Variants in GCM1 observed in about 807,000 individuals in gnomAD.
GCM1 encodes chorion-specific transcription factor GCMa.
Under a neutral mutation model 25.7 loss-of-function variants are expected in GCM1, and 2 were observed. That is an observed-to-expected ratio of 0.08 (90% confidence interval 0.03 to 0.24). GCM1 has a LOEUF of 0.24. GCM1 is among the 10% of genes least tolerant of loss of function. The pLI is 1.00. For synonymous variants in GCM1, 183 were observed against 195.7 expected (o/e 0.94, Z 0.54); for missense variants, 395 against 538.7 (o/e 0.73, Z 2.64).
intron 5 of GCM1, 23 bp from the exon 6 acceptor site, chr6:53,128,969 C>A: frequency 1.3e-6 from 2 of 1,598,166 alleles, no homozygotes; most frequent in Non-Finnish European, 8.5e-7. Flanking sequence ...GTGAAATGCT[C>A]GTGTTAATAA....
At chr6:53,135,611 C>G (rs896185123) in intron 2 of GCM1, among the ~76,000 whole-genome samples, 2 of 152,164 alleles carry the variant, frequency 1.3e-5, no homozygotes, top group African/African-American at 4.8e-5. Flanking sequence ...AAACAGCAAG[C>G]AGTGTCAGCA....
intron 1 of GCM1, among the ~76,000 whole-genome samples, chr6:53,146,142 C>T (rs1307547196): frequency 1.3e-5 from 2 of 149,718 alleles, no homozygotes; most frequent in Non-Finnish European, 3.0e-5. Flanking sequence ...GTGGTTGAAG[C>T]TGCAAGAGGG....
chr6:53,145,561 TG>T lies in GCM1; in HGVS notation c.71del (p.Pro24HisfsTer4). The stretch of plus-strand genomic sequence containing the variant: ...GATTTTTATAGCAAGTACATACCTG[TG>T]GCAGTTTCACATCATTAATATCCCA... ...LSWDINDVKL[P>X]QNVKKTDWFQ... On this transcript the variant is annotated frameshift_variant, in exon 2 of 6. Transcript: ENST00000259803. LOFTEE classifies it high-confidence loss of function. 1.3e-6 allele frequency: 2 copies of T among 1,495,144 alleles called. No individual in the cohort carries two copies. Among genetic ancestry groups the T allele is most frequent in the Non-Finnish European group, 1.9e-6 (2 of 1,071,688 alleles). 92.6% of individuals were successfully genotyped at this position (1,495,144 alleles called of 1,614,324 possible). A position where few individuals can be genotyped will look rare whatever the true frequency, so the allele number is the denominator to read the frequency against.
chr6:53,129,081 G>A (rs558224535), intron 5 of GCM1, 135 bp from the exon 6 acceptor site: 7 of 680,772 alleles, frequency 1.0e-5, no homozygotes, highest in South Asian at 6.0e-5. Context: ...AATACTTGAC[G>A]CACAAACACA....
Position 53,145,217 on chromosome 6 carries a change from C to A in GCM1, c.75+341G>T, listed in dbSNP as rs192733253. On this transcript the variant is annotated intron_variant, in intron 2 of 5. Transcript: ENST00000259803. ...AGGTTGTATGAGGACTTGTGCATAA[C>A]AAAGAGTCAATTTATGGCCAAATAA... Among the ~76,000 whole-genome samples the A allele has an allele frequency of 9.3e-4, 141 of 152,220 alleles. 1 individual carries two copies. Among genetic ancestry groups the A allele is most frequent in the African/African-American group, 3.2e-3 (133 of 41,520 alleles).
At chr6:53,147,464 T>C (rs972039377) in intron 1 of GCM1, among the ~76,000 whole-genome samples, 1 of 146,502 alleles carries the variant, frequency 6.8e-6, no homozygotes, top group Non-Finnish European at 1.5e-5. Flanking sequence ...GTCTTACTCT[T>C]ATCACCCAGG....
chr6:53,132,187 C>T, intron 3 of GCM1, 68 bp from the exon 4 acceptor site: 1 of 1,010,376 alleles, frequency 9.9e-7, no homozygotes, highest in Non-Finnish European at 1.6e-6. Flanking sequence ...CCTGTGCAGT[C>T]TTGAAGATTT....
At chr6:53,143,034 C>T (rs2127510632) in intron 2 of GCM1, among the ~76,000 whole-genome samples, 1 of 152,102 alleles carries the variant, frequency 6.6e-6, no homozygotes, top group East Asian at 1.9e-4. Flanking sequence ...GAAATCTTTC[C>T]AAGAGCTCAA....
At chr6:53,134,449 A>G in intron 2 of GCM1, 125 bp from the exon 3 acceptor site, 1 of 817,070 alleles carries the variant, frequency 1.2e-6, no homozygotes, top group Non-Finnish European at 2.0e-6. Context: ...CCTTTGGCAA[A>G]AGCCTCCCTA....
chr6:53,130,116 A>G (rs921003386), intron 5 of GCM1, among the ~76,000 whole-genome samples: 5 of 152,224 alleles, frequency 3.3e-5, no homozygotes, highest in African/African-American at 1.2e-4. Flanking sequence ...GATCCACATT[A>G]CAATTTTTTT....
chr6:53,131,663 G>C (rs894668856), intron 4 of GCM1, among the ~76,000 whole-genome samples: 1 of 152,156 alleles, frequency 6.6e-6, no homozygotes, highest in Admixed American at 6.5e-5. Flanking sequence ...CACCTGCTCA[G>C]GTTTAAAGAC....
chr6:53,139,380 GGGCA>G (rs1303797083), intron 2 of GCM1, among the ~76,000 whole-genome samples: 5 of 151,618 alleles, frequency 3.3e-5, no homozygotes, highest in Non-Finnish European at 7.4e-5. Context: ...TTACTCCTTA[GGGCA>G]GGCATGGTGG....
chr6:53,135,756 T>G (rs921950131), intron 2 of GCM1, among the ~76,000 whole-genome samples: 8 of 152,166 alleles, frequency 5.3e-5, no homozygotes, highest in East Asian at 1.9e-4. Flanking sequence ...CTAGGCTGCT[T>G]CTTCTTTGCT....
At chr6:53,147,675 C>A (rs1296911657) in intron 1 of GCM1, among the ~76,000 whole-genome samples, 1 of 151,930 alleles carries the variant, frequency 6.6e-6, no homozygotes, top group Non-Finnish European at 1.5e-5. Flanking sequence ...GTGATCCATA[C>A]GTCTCTGTCT....
At position 53,128,680 on chromosome 6, in the gene GCM1, C is replaced by T; in HGVS notation, c.837G>A (p.Leu279=). 6.2e-7 allele frequency: 1 copy of T among 1,614,064 alleles called. No individual in the cohort carries two copies. ...AGACTCCGGAGGCAGAAGGAGGAAG[C>T]AGGTCTCCACTACTGTAGGTTCTGC... The part of the protein sequence containing the change: ...SSSRTYSSGD[L]LPPSASGVYS... The change falls in exon 6 of 6, where the codon CTG becomes CTA. Residue 279 remains leucine, a synonymous_variant. Coordinates refer to ENST00000259803, the MANE Select transcript of GCM1 (RefSeq NM_003643.4).
intron 2 of GCM1, among the ~76,000 whole-genome samples, chr6:53,141,668 C>T (rs1201108869): frequency 6.6e-6 from 1 of 151,248 alleles, no homozygotes; most frequent in East Asian, 2.0e-4. Context: ...GCCTGGGCAG[C>T]AGAGCGAGAC....
rs776697968 is a variant in GCM1 at position 53,130,880 on chromosome 6, C to A, written c.493G>T (p.Ala165Ser). The A allele has an allele frequency of 3.1e-6, 5 of 1,613,556 alleles. No homozygotes were observed. Among genetic ancestry groups the A allele is most frequent in the Non-Finnish European group, 3.4e-6 (4 of 1,179,584 alleles). ...TTCACTTTCTTCATGGCTCTTCTTG[C>A]CTCAGCTTCTAACTTGGTTTCTGGT... ...PKPETKLEAEARRAMKKVNTA... is the reference protein window; with the variant it reads ...PKPETKLEAESRRAMKKVNTA... The change falls in exon 5 of 6, where the codon GCA becomes TCA. Residue 165 changes from alanine (A) to serine (S), a missense_variant. Coordinates refer to ENST00000259803, the MANE Select transcript of GCM1 (RefSeq NM_003643.4).
chr6:53,146,216 A>ATTT (rs70980806), intron 1 of GCM1, among the ~76,000 whole-genome samples: 3 of 101,402 alleles, frequency 3.0e-5, no homozygotes, highest in Non-Finnish European at 4.2e-5. Flanking sequence ...ATATATATAT[A>ATTT]TTTTTTTTTT....
chr6:53,145,009 A>G (rs1464270161), intron 2 of GCM1, among the ~76,000 whole-genome samples: 1 of 151,704 alleles, frequency 6.6e-6, no homozygotes, highest in Admixed American at 6.6e-5. Context: ...AAAGAAAAAA[A>G]GAAAGAAAGA....
Sources: allele counts gnomAD v4.1 joint callset (sites outside exome capture counted in the v4.1 genomes callset), GRCh38; gene constraint gnomAD v4.1.1; transcripts MANE v1.5; gene names NCBI Gene and HGNC (gene_info 2026-07-23, HGNC 2026-07-21).